Variants in UNC5D observed in about 807,000 individuals in gnomAD.
UNC5D encodes the protein unc-5 netrin receptor D, also known as netrin receptor UNC5D.
A neutral mutation model predicts 105.4 loss-of-function variants in UNC5D; 39 were observed. The observed-to-expected ratio is 0.37, with a 90% CI of 0.29 to 0.48. UNC5D has a LOEUF of 0.48. Among genes scored for constraint, UNC5D ranks in the 20% least tolerant of loss-of-function variants. UNC5D has a pLI of 0.98. For missense variants in UNC5D, 991 were observed against 1,202.4 expected (o/e 0.82, Z 2.60); for synonymous variants, 452 against 450.4 (o/e 1.00, Z -0.04).
At chr8:35,507,057 T>TC (rs1347283449) in intron 1 of UNC5D, among the ~76,000 whole-genome samples, 6,311 of 135,562 alleles carry the variant, frequency 0.047, 495 homozygotes, top group African/African-American at 0.17. Flanking sequence ...TTCTTTTTTT[T>TC]TTTTTTTTTT....
At chr8:35,508,903 C>T (rs1812505445) in intron 1 of UNC5D, among the ~76,000 whole-genome samples, 1 of 152,162 alleles carries the variant, frequency 6.6e-6, no homozygotes, top group Non-Finnish European at 1.5e-5. Flanking sequence ...TAGCAGTGTG[C>T]ATGCCTCAGG....
intron 3 of UNC5D, among the ~76,000 whole-genome samples, chr8:35,589,036 T>C (rs1202288510): frequency 1.3e-5 from 2 of 151,688 alleles, no homozygotes; most frequent in Non-Finnish European, 2.9e-5. Flanking sequence ...AGAGCAAGAC[T>C]TCATCTCAAA....
intron 1 of UNC5D, among the ~76,000 whole-genome samples, chr8:35,516,303 G>C (rs1813089438): frequency 1.3e-5 from 2 of 152,152 alleles, no homozygotes; most frequent in Non-Finnish European, 2.9e-5. Context: ...AGAGCATTTT[G>C]TTGTGTTGTT....
At chr8:35,533,885 A>G (rs1027979052) in intron 1 of UNC5D, among the ~76,000 whole-genome samples, 3 of 152,124 alleles carry the variant, frequency 2.0e-5, no homozygotes, top group African/African-American at 4.8e-5. Flanking sequence ...AAGTGAGGCA[A>G]TGCCTCGCCA....
intron 10 of UNC5D, among the ~76,000 whole-genome samples, chr8:35,728,095 A>AAAAAAAAAATATAT (rs34672872): frequency 9.1e-6 from 1 of 110,364 alleles, no homozygotes; most frequent in African/African-American, 5.5e-5. Context: ...AAAAAAAAAA[A>AAAAAAAAAATATAT]ATATATATAT....
chr8:35,562,241 C>A (rs1017471564), intron 2 of UNC5D, among the ~76,000 whole-genome samples: 16 of 152,024 alleles, frequency 1.1e-4, no homozygotes, highest in Non-Finnish European at 2.2e-4. Flanking sequence ...ATGATATATA[C>A]CGCATTTTCT....
intron 7 of UNC5D, among the ~76,000 whole-genome samples, chr8:35,693,072 A>T (rs1421402790): frequency 6.6e-6 from 1 of 152,224 alleles, no homozygotes; most frequent in Non-Finnish European, 1.5e-5. Flanking sequence ...GGGACCAAAT[A>T]TGAAGACCAG....
intron 4 of UNC5D, 85 bp from the exon 5 acceptor site, chr8:35,683,462 C>T (rs912117622): frequency 1.3e-5 from 18 of 1,383,436 alleles, no homozygotes; most frequent in Middle Eastern, 1.8e-4. Context: ...CATCTCTCTC[C>T]CACACCCGAA....
intron 1 of UNC5D, among the ~76,000 whole-genome samples, chr8:35,280,558 G>A (rs1024762695): frequency 1.3e-5 from 2 of 152,126 alleles, no homozygotes; most frequent in African/African-American, 4.8e-5. Flanking sequence ...TGGTGGGGTC[G>A]TTAATAATGA....
intron 1 of UNC5D, among the ~76,000 whole-genome samples, chr8:35,290,730 C>G (rs935947047): frequency 2.0e-5 from 3 of 152,018 alleles, no homozygotes; most frequent in Admixed American, 6.6e-5. Flanking sequence ...GGGCGGATCA[C>G]CTGAGGTCAG....
intron 1 of UNC5D, among the ~76,000 whole-genome samples, chr8:35,489,337 G>A (rs79777346): frequency 0.024 from 3,646 of 151,912 alleles, 135 homozygotes; most frequent in African/African-American, 0.08. Context: ...CCTAACACCC[G>A]GCCACCCCCA....
At chr8:35,476,417 C>T (rs1055307430) in intron 1 of UNC5D, among the ~76,000 whole-genome samples, 1 of 152,170 alleles carries the variant, frequency 6.6e-6, no homozygotes, top group South Asian at 2.1e-4. Flanking sequence ...TCTTCTGACT[C>T]TAATATTTGA....
chr8:35,428,623 T>C (rs753692378), intron 1 of UNC5D, among the ~76,000 whole-genome samples: 20 of 152,196 alleles, frequency 1.3e-4, no homozygotes, highest in Non-Finnish European at 2.1e-4. Context: ...ATGCACACTC[T>C]CACTTCCCCA....
At chr8:35,445,934 A>G (rs1418710701) in intron 1 of UNC5D, among the ~76,000 whole-genome samples, 1 of 152,098 alleles carries the variant, frequency 6.6e-6, no homozygotes. Flanking sequence ...CATTATGATG[A>G]TTATAATTTT....
chr8:35,434,369 A>AT (rs60945945), intron 1 of UNC5D, among the ~76,000 whole-genome samples: 49 of 151,930 alleles, frequency 3.2e-4, no homozygotes, highest in African/African-American at 1.0e-3. Context: ...CAAAGTGAGA[A>AT]TTTTTTTTGG....
intron 1 of UNC5D, among the ~76,000 whole-genome samples, chr8:35,439,546 A>C (rs926105680): frequency 1.3e-5 from 2 of 152,028 alleles, no homozygotes; most frequent in Non-Finnish European, 2.9e-5. Flanking sequence ...GACATCGTGA[A>C]TTCTTGTTTT....
chr8:35,670,861 G>GAACTT (rs1195459582), intron 4 of UNC5D, among the ~76,000 whole-genome samples: 1 of 152,032 alleles, frequency 6.6e-6, no homozygotes, highest in Non-Finnish European at 1.5e-5. Flanking sequence ...ATGTATCCTG[G>GAACTT]AACTTAAAAT....
intron 1 of UNC5D, among the ~76,000 whole-genome samples, chr8:35,450,415 C>A (rs979383390): frequency 3.3e-5 from 5 of 152,228 alleles, no homozygotes; most frequent in East Asian, 1.9e-4. Context: ...TACTTTTTAT[C>A]TATTCATAAT....
intron 1 of UNC5D, among the ~76,000 whole-genome samples, chr8:35,269,413 A>T (rs1243104049): frequency 1.3e-5 from 2 of 152,152 alleles, no homozygotes; most frequent in Non-Finnish European, 2.9e-5. Context: ...TTTGAGATCC[A>T]GTTCAAATGC....
Sources: gnomAD v4.1 joint callset for allele counts (sites outside exome capture counted in the v4.1 genomes callset) on GRCh38, gnomAD v4.1.1 for gene constraint, MANE v1.5 for transcripts, NCBI Gene and HGNC (gene_info 2026-07-23, HGNC 2026-07-21) for gene names.